The following ZFHX3 variants were observed in gnomAD, a reference collection of about 807,000 sequenced individuals.
The protein encoded by ZFHX3 is zinc finger homeobox 3, also known as zinc finger homeobox protein 3.
A neutral mutation model predicts 279.1 loss-of-function variants in ZFHX3; 42 were observed. The observed-to-expected ratio is 0.15, with a 90% CI of 0.12 to 0.19. The LOEUF (loss-of-function observed/expected upper bound fraction) is 0.19, where lower values mean the gene tolerates loss of function less well. Ranked by LOEUF, ZFHX3 falls within the 10% of genes least tolerant of loss-of-function variation. The pLI is 1.00. For missense variants in ZFHX3, 4,981 were observed against 4,754.0 expected (o/e 1.05, Z -1.40); for synonymous variants, 2,293 against 1,957.8 (o/e 1.17, Z -4.52).
chr16:73,753,551 C>T (rs564279335), intron 1 of ZFHX3, among the ~76,000 whole-genome samples: 46 of 152,202 alleles, frequency 3.0e-4, no homozygotes, highest in African/African-American at 9.4e-4. Flanking sequence ...ATACAGTTGC[C>T]AACAGCCCAT....
chr16:73,771,377 C>G (rs2054015907), intron 1 of ZFHX3, among the ~76,000 whole-genome samples: 1 of 152,126 alleles, frequency 6.6e-6, no homozygotes, highest in Non-Finnish European at 1.5e-5. Flanking sequence ...ACTCCCACAG[C>G]AGAGCTGGTC....
intron 2 of ZFHX3, among the ~76,000 whole-genome samples, chr16:73,591,559 G>T (rs1275349855): frequency 6.6e-6 from 1 of 151,372 alleles, no homozygotes; most frequent in Non-Finnish European, 1.5e-5. Context: ...AGGGCATGGT[G>T]GCGGGCACCT....
intron 3 of ZFHX3, chr16:73,400,263 G>A (rs1299846492): frequency 1.3e-5 from 2 of 152,198 alleles, no homozygotes; most frequent in African/African-American, 4.8e-5. Context: ...CATGAACAAG[G>A]TGGCAGGTCT....
intron 1 of ZFHX3, among the ~76,000 whole-genome samples, chr16:73,846,228 G>A (rs528661114): frequency 6.6e-6 from 1 of 152,232 alleles, no homozygotes; most frequent in East Asian, 1.9e-4. Context: ...GTATGCAAGT[G>A]ATGTTTCCAT....
chr16:72,990,026 A>G (rs1963019070), intron 1 of ZFHX3, among the ~76,000 whole-genome samples: 1 of 152,104 alleles, frequency 6.6e-6, no homozygotes, highest in Non-Finnish European at 1.5e-5. Flanking sequence ...CTCTAGACCA[A>G]CTTTCCCGAA....
At chr16:73,729,562 A>C (rs56050897) in intron 1 of ZFHX3, among the ~76,000 whole-genome samples, 89,282 of 151,368 alleles carry the variant, frequency 0.59, 28,334 homozygotes, top group East Asian at 0.74. Context: ...ACCAAAAAAA[A>C]AAAAAAAAAC....
chr16:73,706,442 G>A (rs1258118415), intron 1 of ZFHX3, among the ~76,000 whole-genome samples: 1 of 133,430 alleles, frequency 7.5e-6, no homozygotes, highest in Non-Finnish European at 1.6e-5. Context: ...GGTGACAAGA[G>A]CGAAACTCTA....
chr16:73,765,846 C>G (rs903599201), intron 1 of ZFHX3, among the ~76,000 whole-genome samples: 1 of 152,182 alleles, frequency 6.6e-6, no homozygotes, highest in Admixed American at 6.5e-5. Flanking sequence ...AAACCTGGTT[C>G]ATGTGTTTCT....
chr16:72,912,352 G>T (rs890778435), intron 3 of ZFHX3, among the ~76,000 whole-genome samples: 2 of 152,210 alleles, frequency 1.3e-5, no homozygotes, highest in African/African-American at 4.8e-5. Context: ...AGACTGGCAA[G>T]GGCAGTGGCA....
rs565326639 is a variant in ZFHX3 at position 73,858,836 on chromosome 16, A to G, written c.-1608+32815T>C. ...CAAAATAATCCACAGCTTTCAGTACATTATGAGACATGTAAGATGTGAAGG... is the reference window on the plus strand; with the variant it reads ...CAAAATAATCCACAGCTTTCAGTACGTTATGAGACATGTAAGATGTGAAGG... On this transcript the variant is annotated intron_variant, in intron 1 of 17. Coordinates refer to the ZFHX3 transcript ENST00000641206. Among the ~76,000 whole-genome samples the G allele has an allele frequency of 3.9e-5, 6 of 152,348 alleles. No homozygotes were observed. The South Asian group carries it at 1.2e-3, about 32-fold the overall frequency.
chr16:73,226,080 G>C (rs182923866), intron 5 of ZFHX3, among the ~76,000 whole-genome samples: 2 of 152,292 alleles, frequency 1.3e-5, no homozygotes, highest in East Asian at 3.9e-4. Flanking sequence ...ATAAACTGGG[G>C]ACATAGGGGC....
chr16:73,333,911 C>T (rs1176835899), intron 3 of ZFHX3, among the ~76,000 whole-genome samples: 10 of 151,674 alleles, frequency 6.6e-5, no homozygotes, highest in Non-Finnish European at 1.2e-4. Flanking sequence ...GTATCCGGCA[C>T]GCTGAACATC....
intron 2 of ZFHX3, among the ~76,000 whole-genome samples, chr16:73,649,644 G>T (rs2052652583): frequency 6.6e-6 from 1 of 152,130 alleles, no homozygotes; most frequent in Non-Finnish European, 1.5e-5. Context: ...GAGAGTTTGG[G>T]TCAGCAAATC....
chr16:73,860,963 C>T (rs890219986), intron 1 of ZFHX3, among the ~76,000 whole-genome samples: 3 of 151,310 alleles, frequency 2.0e-5, no homozygotes, highest in East Asian at 1.9e-4. Context: ...GGAAATAACA[C>T]TGCTTGTATA....
intron 1 of ZFHX3, among the ~76,000 whole-genome samples, chr16:73,760,721 A>G (rs961171378): frequency 2.3e-4 from 35 of 152,274 alleles, no homozygotes; most frequent in Middle Eastern, 3.4e-3. Flanking sequence ...TAAAGACAAA[A>G]AACACATGAT....
At chr16:73,251,677 C>T (rs2013492327) in intron 5 of ZFHX3, among the ~76,000 whole-genome samples, 1 of 151,692 alleles carries the variant, frequency 6.6e-6, no homozygotes, top group Non-Finnish European at 1.5e-5. Context: ...CACATTCACA[C>T]ACATACACAC....
At chr16:73,224,340 G>A (rs1181139270) in intron 5 of ZFHX3, among the ~76,000 whole-genome samples, 1 of 152,196 alleles carries the variant, frequency 6.6e-6, no homozygotes, top group African/African-American at 2.4e-5. Flanking sequence ...TACACTGCTC[G>A]AAAGTGTATT....
At chr16:73,029,253 G>A (rs529542852) in intron 1 of ZFHX3, among the ~76,000 whole-genome samples, 1 of 152,240 alleles carries the variant, frequency 6.6e-6, no homozygotes, top group South Asian at 2.1e-4. Flanking sequence ...AGCTAGCATC[G>A]ATGAACCACA....
rs1310632996 is a variant in ZFHX3, at chr16:73,875,038, T to A, written c.-1608+16613A>T. On this transcript the variant is annotated intron_variant, in intron 1 of 17. Transcript: ENST00000641206. ...TACATGCTGCATACAGAAAGAACTT[T>A]TCCCGGGTATATAGCTGTTAAGTGA... is the stretch of plus-strand genomic sequence containing the variant. Among the ~76,000 whole-genome samples the A allele has an allele frequency of 7.2e-5, 11 of 152,164 alleles. 1 individual carries two copies. The highest frequency in any genetic ancestry group is 1.2e-4 in the Non-Finnish European group (8 of 68,018).
Sources: gnomAD v4.1 joint callset for allele counts (sites outside exome capture counted in the v4.1 genomes callset) on GRCh38, gnomAD v4.1.1 for gene constraint, MANE v1.5 for transcripts, NCBI Gene and HGNC (gene_info 2026-07-23, HGNC 2026-07-21) for gene names.